The following UTF1 variants were observed in gnomAD, a reference collection of about 807,000 sequenced individuals.
The protein encoded by UTF1 is undifferentiated embryonic cell transcription factor 1.
In UTF1, 8 loss-of-function variants were observed where a neutral mutation model predicts 11.8. The ratio of observed to expected loss-of-function variants is 0.68; its 90% CI spans 0.40 to 1.23. The LOEUF (loss-of-function observed/expected upper bound fraction) is 1.23, where lower values mean the gene tolerates loss of function less well. Ranked by LOEUF, UTF1 falls within the 50% of genes most tolerant of loss-of-function variation. The probability of loss-of-function intolerance (pLI) is 0.01; values close to 1 mark genes in which losing one functional copy is unlikely to be tolerated. For missense variants in UTF1, 545 were observed against 542.1 expected (o/e 1.01, Z -0.05); for synonymous variants, 344 against 271.7 (o/e 1.27, Z -2.62).
rs1589785025 is a variant in UTF1 at position 133,231,140 on chromosome 10, G to A, written c.724G>A (p.Gly242Ser). Residue 242 changes from glycine (G) to serine (S), a missense_variant, in exon 2 of 2, where the codon GGC (glycine) becomes AGC (serine). By Grantham distance (56) the Gly-to-Ser change is moderately conservative. Coordinates refer to ENST00000304477, the MANE Select transcript of UTF1 (RefSeq NM_003577.3). The stretch of plus-strand genomic sequence containing the variant: ...CCCCGAGGACCGCGCGCCCGTCCGC[G>A]GCCCCGGGTCCCCGCCGCCACCCCC... ...CIPEDRAPVR[G>S]PGSPPPPPAR... The A allele has an allele frequency of 4.1e-6, 5 of 1,219,802 alleles. No homozygotes were observed. Among genetic ancestry groups the A allele is most frequent in the Non-Finnish European group, 5.1e-6 (5 of 985,962 alleles). The allele number at this position is 1,219,802 out of a possible 1,614,324, so 75.6% of individuals were successfully genotyped here.
Position 133,230,391 on chromosome 10 carries a change from ACCCCGCCCCGGAGG to A in UTF1, c.107_120del (p.Pro36ArgfsTer82). ...GCGGACACCCGGAGACGCCCCGGGG[ACCCCGCCCCGGAGG>A]CCCGCCTCGCCCAGCGCGCTGGGGG... On this transcript the variant is annotated frameshift_variant, in exon 1 of 2. Transcript: ENST00000304477. LOFTEE classifies it high-confidence loss of function. 1 of 1,283,040 alleles carries A rather than the reference ACCCCGCCCCGGAGG, an allele frequency of 7.8e-7. No individual in the cohort carries two copies. The highest frequency in any genetic ancestry group is 2.0e-5 in the South Asian group (1 of 49,186). The allele number at this position is 1,283,040 out of a possible 1,614,324, so 79.5% of individuals were successfully genotyped here.
At position 133,231,551 on chromosome 10, in the gene UTF1, TTCC is replaced by T; in HGVS notation, c.*111_*113del. 1 of 988,816 alleles carries T rather than the reference TTCC, an allele frequency of 1.0e-6. No homozygotes were observed. The allele number at this position is 988,816 out of a possible 1,614,324, so 61.3% of individuals were successfully genotyped here. ...GGGTATGTTCAATAAAAGGATTGTTTTCCTAGAGTCCGGGCTGTGTAGGAGTGC... is the reference window on the plus strand; with the variant it reads ...GGGTATGTTCAATAAAAGGATTGTTTTAGAGTCCGGGCTGTGTAGGAGTGC... On this transcript the variant is annotated 3_prime_UTR_variant, in exon 2 of 2. Transcript: ENST00000304477.
At position 133,230,269 on chromosome 10, in the gene UTF1, C is replaced by T. The variant is rs1482961256; in HGVS notation, c.-20C>T. The T allele has an allele frequency of 1.4e-5, 15 of 1,045,208 alleles. No individual in the cohort carries two copies. The highest frequency in any genetic ancestry group is 8.7e-5 in the East Asian group (1 of 11,474). 64.7% of individuals were successfully genotyped at this position (1,045,208 alleles called of 1,614,324 possible). A position where few individuals can be genotyped will look rare whatever the true frequency, so the allele number is the denominator to read the frequency against. ...GTCTGGCCCTCTCCCCATCCTCGCG[C>T]GCCGCGCCCCAGCCCCGGGATGCTG... is the stretch of plus-strand genomic sequence containing the variant. On this transcript the variant is annotated 5_prime_UTR_variant, in exon 1 of 2. Transcript: ENST00000304477.
In UTF1 at chr10:133,230,687, C is replaced by T. The variant is rs763062545; in HGVS notation, c.399C>T (p.Pro133=). Residue 133 remains proline (P), a synonymous_variant, in exon 1 of 2, where the codon CCC becomes CCT. Coordinates refer to ENST00000304477, the MANE Select transcript of UTF1 (RefSeq NM_003577.3). ...DKFREAHGQP[P]GPFDEQIRKL... is the part of the protein sequence containing the mutation. Reference sequence around the variant, plus strand: ...TTCGCGAGGCGCACGGCCAGCCGCCCGGGCCCTTCGACGAGCAGATCCGGA... The same window carrying T: ...TTCGCGAGGCGCACGGCCAGCCGCCTGGGCCCTTCGACGAGCAGATCCGGA... The T allele has an allele frequency of 2.0e-6, 3 of 1,486,958 alleles. No individual in the cohort carries two copies. The highest frequency in any genetic ancestry group is 2.7e-6 in the Non-Finnish European group (3 of 1,126,522). The allele number at this position is 1,486,958 out of a possible 1,614,324, so 92.1% of individuals were successfully genotyped here.
chr10:133,230,801 G>A lies in UTF1; in HGVS notation c.513G>A (p.Pro171=), dbSNP rs770999109. Residue 171 remains proline (P), a synonymous_variant, in exon 1 of 2, where the codon CCG becomes CCA. Transcript: ENST00000304477. ...GGCGCCCCCAGCGCGCCCGCCGCCC[G>A]GTCCCCAACGCGCACGCGCCGGCTC... The part of the protein sequence containing the change: ...GSGRPQRARR[P]VPNAHAPAPS... 1.5e-4 allele frequency: 196 copies of A among 1,322,690 alleles called. No individual in the cohort carries two copies. Among genetic ancestry groups the A allele is most frequent in the Non-Finnish European group, 1.8e-4 (189 of 1,045,216 alleles). The allele number at this position is 1,322,690 out of a possible 1,614,324, so 81.9% of individuals were successfully genotyped here.
At position 133,230,541 on chromosome 10, in the gene UTF1, C is replaced by T; in HGVS notation, c.253C>T (p.Leu85Phe). The change falls in exon 1 of 2, where the codon CTC becomes TTC. Residue 85 changes from leucine (L) to phenylalanine (F), a missense_variant. Coordinates refer to ENST00000304477, the MANE Select transcript of UTF1 (RefSeq NM_003577.3). ...LLQPAVWRAL[L>F]LDRRQALPTY... ...GCAACCGGCCGTGTGGCGCGCGCTG[C>T]TCCTGGACCGCCGCCAGGCCCTGCC... The T allele has an allele frequency of 7.0e-7, 1 of 1,435,696 alleles. No individual in the cohort carries two copies. The highest frequency in any genetic ancestry group is 9.1e-7 in the Non-Finnish European group (1 of 1,097,166). 88.9% of individuals were successfully genotyped at this position (1,435,696 alleles called of 1,614,324 possible).
chr10:133,230,218 G>C lies in UTF1; in HGVS notation c.-71G>C. On this transcript the variant is annotated 5_prime_UTR_variant, in exon 1 of 2. Transcript: ENST00000304477. ...GAGGGACGGCGGCGCGGGATGCTCAGAACGCGTGTGGGCGGCCCGGGCGGC... is the reference window on the plus strand; with the variant it reads ...GAGGGACGGCGGCGCGGGATGCTCACAACGCGTGTGGGCGGCCCGGGCGGC... 9.8e-7 allele frequency: 1 copy of C among 1,021,742 alleles called. No individual in the cohort carries two copies. The highest frequency in any genetic ancestry group is 1.2e-6 in the Non-Finnish European group (1 of 854,814). 63.3% of individuals were successfully genotyped at this position (1,021,742 alleles called of 1,614,324 possible).
chr10:133,230,587 C>A lies in UTF1; in HGVS notation c.299C>A (p.Ala100Asp). Residue 100 changes from alanine to aspartate, a missense_variant, in exon 1 of 2, where the codon GCC becomes GAC. Physicochemically the swap from Ala to Asp is moderately radical, Grantham distance 126. This residue lies in a region of UTF1 where 22 missense variants were observed against 52.1 expected (regional missense o/e 0.42). Coordinates refer to ENST00000304477, the MANE Select transcript of UTF1 (RefSeq NM_003577.3). The part of the protein sequence containing the change: ...QALPTYRRVS[A>D]ALAQQQVRRT... ...CTGCCCACCTACCGCCGCGTGTCGG[C>A]CGCGCTGGCCCAGCAGCAGGTGCGC... 1 of 1,402,584 alleles carries A rather than the reference C, an allele frequency of 7.1e-7. No homozygotes were observed. Among genetic ancestry groups the A allele is most frequent in the Non-Finnish European group, 9.2e-7 (1 of 1,084,460 alleles). The allele number at this position is 1,402,584 out of a possible 1,614,324, so 86.9% of individuals were successfully genotyped here.
At position 133,230,672 on chromosome 10, in the gene UTF1, G is replaced by A. The variant is rs1472290932; in HGVS notation, c.384G>A (p.Ala128=). The A allele has an allele frequency of 6.7e-7, 1 of 1,489,140 alleles. No individual in the cohort carries two copies. The highest frequency in any genetic ancestry group is 8.9e-7 in the Non-Finnish European group (1 of 1,128,050). The allele number at this position is 1,489,140 out of a possible 1,614,324, so 92.2% of individuals were successfully genotyped here. A position where few individuals can be genotyped will look rare whatever the true frequency, so the allele number is the denominator to read the frequency against. Residue 128 remains alanine (A), a synonymous_variant, in exon 1 of 2, where the codon GCG becomes GCA. Transcript: ENST00000304477. ...TCCTTAAAGACAAGTTTCGCGAGGC[G>A]CACGGCCAGCCGCCCGGGCCCTTCG... ...YKFLKDKFRE[A]HGQPPGPFDE...
At chr10:133,230,925 G>GC in intron 1 of UTF1, 42 bp from the exon 2 acceptor site, 1 of 1,289,286 alleles carries the variant, frequency 7.8e-7, no homozygotes, top group Non-Finnish European at 9.8e-7. Flanking sequence ...GGGCGGGCGC[G>GC]CCCCGCGAAA....
At position 133,230,250 on chromosome 10, in the gene UTF1, C is replaced by T. The variant is rs1322981433; in HGVS notation, c.-39C>T. 9.0e-5 allele frequency: 93 copies of T among 1,038,258 alleles called. No individual in the cohort carries two copies. Among genetic ancestry groups the T allele is most frequent in the Admixed American group, 2.8e-4 (5 of 17,952 alleles). The allele number at this position is 1,038,258 out of a possible 1,614,324, so 64.3% of individuals were successfully genotyped here. A position where few individuals can be genotyped will look rare whatever the true frequency, so the allele number is the denominator to read the frequency against. ...TGTGGGCGGCCCGGGCGGCGTCTGG[C>T]CCTCTCCCCATCCTCGCGCGCCGCG... On this transcript the variant is annotated 5_prime_UTR_variant, in exon 1 of 2. Transcript: ENST00000304477.
chr10:133,230,925 G>C, intron 1 of UTF1, 42 bp from the exon 2 acceptor site: 11 of 1,289,286 alleles, frequency 8.5e-6, no homozygotes, highest in Non-Finnish European at 1.1e-5. Flanking sequence ...GGGCGGGCGC[G>C]CCCCGCGAAA....
chr10:133,230,401 G>C lies in UTF1; in HGVS notation c.113G>C (p.Arg38Pro). ...GGAGACGCCCCGGGGACCCCGCCCC[G>C]GAGGCCCGCCTCGCCCAGCGCGCTG... Reference protein sequence around the residue: ...TPGDAPGTPPRRPASPSALGE... With the variant: ...TPGDAPGTPPPRPASPSALGE... Residue 38 changes from arginine (R) to proline (P), a missense_variant, in exon 1 of 2, where the codon CGG (arginine) becomes CCG (proline). Around this residue, in one of 3 missense-constraint regions of UTF1, gnomAD observed 129 missense variants for 148.5 expected, o/e 0.87. Transcript: ENST00000304477. The C allele has an allele frequency of 1.5e-6, 2 of 1,313,592 alleles. No homozygotes were observed. The highest frequency in any genetic ancestry group is 1.9e-6 in the Non-Finnish European group (2 of 1,027,128). The allele number at this position is 1,313,592 out of a possible 1,614,324, so 81.4% of individuals were successfully genotyped here. A position where few individuals can be genotyped will look rare whatever the true frequency, so the allele number is the denominator to read the frequency against.
Position 133,230,510 on chromosome 10 carries a change from G to A in UTF1, c.222G>A (p.Thr74=). 1 of 1,444,782 alleles carries A rather than the reference G, an allele frequency of 6.9e-7. No individual in the cohort carries two copies. The allele number at this position is 1,444,782 out of a possible 1,614,324, so 89.5% of individuals were successfully genotyped here. A position where few individuals can be genotyped will look rare whatever the true frequency, so the allele number is the denominator to read the frequency against. Residue 74 remains threonine, a synonymous_variant, in exon 1 of 2, where the codon ACG becomes ACA. Coordinates refer to ENST00000304477, the MANE Select transcript of UTF1 (RefSeq NM_003577.3). ...GGGAGACGGAGCTGCTGCTGGGGAC[G>A]CTGCTGCAACCGGCCGTGTGGCGCG... is the stretch of plus-strand genomic sequence containing the variant. ...SARETELLLG[T]LLQPAVWRAL... is the part of the protein sequence containing the mutation.
At position 133,230,394 on chromosome 10, in the gene UTF1, C is replaced by T. The variant is rs1177308384; in HGVS notation, c.106C>T (p.Pro36Ser). Residue 36 changes from proline to serine, a missense_variant, in exon 1 of 2, where the codon CCG (proline) becomes TCG (serine). By Grantham distance (74) the Pro-to-Ser change is moderately conservative. Coordinates refer to ENST00000304477, the MANE Select transcript of UTF1 (RefSeq NM_003577.3). The part of the protein sequence containing the change: ...PRTPGDAPGT[P>S]PRRPASPSAL... ...GACACCCGGAGACGCCCCGGGGACC[C>T]CGCCCCGGAGGCCCGCCTCGCCCAG... The T allele has an allele frequency of 7.7e-7, 1 of 1,294,868 alleles. No individual in the cohort carries two copies. Among genetic ancestry groups the T allele is most frequent in the Middle Eastern group, 3.0e-4 (1 of 3,326 alleles). 80.2% of individuals were successfully genotyped at this position (1,294,868 alleles called of 1,614,324 possible).
At position 133,230,965 on chromosome 10, in the gene UTF1, A is replaced by T; in HGVS notation, c.551-2A>T. The T allele has an allele frequency of 7.7e-7, 1 of 1,306,328 alleles. No individual in the cohort carries two copies. Among genetic ancestry groups the T allele is most frequent in the Non-Finnish European group, 9.7e-7 (1 of 1,032,026 alleles). 80.9% of individuals were successfully genotyped at this position (1,306,328 alleles called of 1,614,324 possible). ...GCCCGACCGCCTGCTCCGCGTTCCC[A>T]GACGCCACCCCGCTGCCCACCGCCC... On this transcript the variant is annotated splice_acceptor_variant, in intron 1 of 1. Coordinates refer to ENST00000304477, the MANE Select transcript of UTF1 (RefSeq NM_003577.3). LOFTEE classifies it high-confidence loss of function.
At position 133,230,274 on chromosome 10, in the gene UTF1, C is replaced by T. The variant is rs868356149; in HGVS notation, c.-15C>T. 327 of 1,048,300 alleles carry T rather than the reference C, an allele frequency of 3.1e-4. 3 individuals are homozygous for T. In the Middle Eastern group the frequency reaches 4.0e-3, roughly 13 times the overall value. The allele number at this position is 1,048,300 out of a possible 1,614,324, so 64.9% of individuals were successfully genotyped here. A position where few individuals can be genotyped will look rare whatever the true frequency, so the allele number is the denominator to read the frequency against. On this transcript the variant is annotated 5_prime_UTR_variant, in exon 1 of 2. Coordinates refer to ENST00000304477, the MANE Select transcript of UTF1 (RefSeq NM_003577.3). The stretch of plus-strand genomic sequence containing the variant: ...GCCCTCTCCCCATCCTCGCGCGCCG[C>T]GCCCCAGCCCCGGGATGCTGCTCCG...
In UTF1 at chr10:133,231,283, C is replaced by T; in HGVS notation, c.867C>T (p.Ile289=). Residue 289 remains isoleucine, a synonymous_variant, in exon 2 of 2, where the codon ATC becomes ATT. Coordinates refer to ENST00000304477, the MANE Select transcript of UTF1 (RefSeq NM_003577.3). ...AGACCCTGGGGCACCTGGGCGACAT[C>T]GCGAACATCCTGGGCCCGCTGCGCG... is the stretch of plus-strand genomic sequence containing the variant. The part of the protein sequence containing the change: ...LLQTLGHLGD[I]ANILGPLRDQ... 6.3e-7 allele frequency: 1 copy of T among 1,592,760 alleles called. No individual in the cohort carries two copies. The highest frequency in any genetic ancestry group is 1.7e-5 in the Admixed American group (1 of 58,208).
In UTF1 at chr10:133,230,423, G is replaced by T. The variant is rs1166425764; in HGVS notation, c.135G>T (p.Ala45=). 6 of 1,373,032 alleles carry T rather than the reference G, an allele frequency of 4.4e-6. No homozygotes were observed. The highest frequency in any genetic ancestry group is 2.7e-4 in the Middle Eastern group (1 of 3,698). 85.1% of individuals were successfully genotyped at this position (1,373,032 alleles called of 1,614,324 possible). A position where few individuals can be genotyped will look rare whatever the true frequency, so the allele number is the denominator to read the frequency against. The change falls in exon 1 of 2, where the codon GCG becomes GCT. Residue 45 remains alanine, a synonymous_variant. Transcript: ENST00000304477. Reference sequence around the variant, plus strand: ...CCCGGAGGCCCGCCTCGCCCAGCGCGCTGGGGGAACTCGGGTTGCCGGTGT... The same window carrying T: ...CCCGGAGGCCCGCCTCGCCCAGCGCTCTGGGGGAACTCGGGTTGCCGGTGT... ...TPPRRPASPS[A]LGELGLPVSP... is the part of the protein sequence containing the mutation.
Sources: allele counts gnomAD v4.1 joint callset, GRCh38; gene constraint gnomAD v4.1.1; regional missense constraint gnomAD v4.1.1; transcripts MANE v1.5; gene names NCBI Gene and HGNC (gene_info 2026-07-23, HGNC 2026-07-21).